PTPRD: variants seen among roughly 807,000 people sequenced by gnomAD.
PTPRD encodes protein tyrosine phosphatase receptor type D, also known as receptor-type tyrosine-protein phosphatase delta.
In PTPRD, 34 loss-of-function variants were observed where a neutral mutation model predicts 214.5. That is an observed-to-expected ratio of 0.16 (90% CI 0.12 to 0.21). The LOEUF (loss-of-function observed/expected upper bound fraction) is 0.21, where lower values mean the gene tolerates loss of function less well. Ranked by LOEUF, PTPRD falls within the 10% of genes least tolerant of loss-of-function variation. PTPRD has a pLI of 1.00. For synonymous variants in PTPRD, 1,128 were observed against 845.7 expected (o/e 1.33, Z -5.79); for missense variants, 2,545 against 2,398.7 (o/e 1.06, Z -1.27).
intron 4 of PTPRD, among the ~76,000 whole-genome samples, chr9:9,959,209 C>T (rs369494468): frequency 1.3e-5 from 2 of 152,008 alleles, no homozygotes; most frequent in Non-Finnish European, 2.9e-5. Flanking sequence ...CTTAAATGCA[C>T]CTTTGATGGC....
intron 12 of PTPRD, among the ~76,000 whole-genome samples, chr9:8,653,192 A>G (rs1794842479): frequency 6.6e-6 from 1 of 152,228 alleles, no homozygotes; most frequent in African/African-American, 2.4e-5. Context: ...ACAAAAGAGA[A>G]ATCTAAAGGG....
At chr9:8,562,926 A>T (rs2087028052) in intron 14 of PTPRD, among the ~76,000 whole-genome samples, 1 of 150,898 alleles carries the variant, frequency 6.6e-6, no homozygotes, top group Admixed American at 6.6e-5. Context: ...TATTTGGTGC[A>T]AGGAATGAGT....
intron 2 of PTPRD, among the ~76,000 whole-genome samples, chr9:10,568,438 T>C (rs548522755): frequency 6.6e-6 from 1 of 152,110 alleles, no homozygotes; most frequent in Non-Finnish European, 1.5e-5. Context: ...CGTGTGCATG[T>C]GTCTTCATAG....
intron 11 of PTPRD, among the ~76,000 whole-genome samples, chr9:8,974,242 A>T (rs1014697617): frequency 5.9e-5 from 9 of 152,042 alleles, no homozygotes; most frequent in African/African-American, 1.9e-4. Flanking sequence ...AAAGGTAAAG[A>T]TCTAATTTCA....
intron 4 of PTPRD, among the ~76,000 whole-genome samples, chr9:9,947,437 T>A (rs2092811291): frequency 3.6e-5 from 1 of 28,066 alleles, no homozygotes; most frequent in Non-Finnish European, 4.7e-5. Flanking sequence ...ATATATATAT[T>A]ATATATTTTA....
chr9:10,355,490 T>G (rs1229034096), intron 2 of PTPRD, among the ~76,000 whole-genome samples: 2 of 151,388 alleles, frequency 1.3e-5, no homozygotes, highest in East Asian at 1.9e-4. Context: ...TTTTTTTTTT[T>G]TTTTTGAGAC....
At chr9:8,940,770 G>C (rs10125293) in intron 11 of PTPRD, among the ~76,000 whole-genome samples, 6,619 of 151,874 alleles carry the variant, frequency 0.044, 474 homozygotes, top group African/African-American at 0.15. Context: ...ACCCCTTTCA[G>C]TACTGTTCCT....
chr9:9,463,904 T>C (rs1167562233), intron 8 of PTPRD, among the ~76,000 whole-genome samples: 1 of 152,120 alleles, frequency 6.6e-6, no homozygotes, highest in East Asian at 1.9e-4. Flanking sequence ...GAACTGAAGC[T>C]TACCAGATCA....
At chr9:10,017,558 C>T (rs541283177) in intron 4 of PTPRD, among the ~76,000 whole-genome samples, 1 of 152,130 alleles carries the variant, frequency 6.6e-6, no homozygotes, top group Admixed American at 6.5e-5. Context: ...AGTCTGGAAG[C>T]CTTGTTTTCA....
chr9:10,592,204 C>A (rs1923435), intron 2 of PTPRD, among the ~76,000 whole-genome samples: 1 of 151,732 alleles, frequency 6.6e-6, no homozygotes, highest in Admixed American at 6.6e-5. Context: ...ATGACACTCA[C>A]GGAAAAGGGT....
In PTPRD at chr9:9,918,766, A is replaced by G. The variant is rs188729720; in HGVS notation, c.-368+19741T>C. On this transcript the variant is annotated intron_variant, in intron 5 of 45. Transcript: ENST00000381196. ...TAATCCACGTATCTATAGCCATCTG[A>G]TTTTTGGCATGGGTATCGAGAATAT... 1.3e-4 allele frequency among the ~76,000 whole-genome samples: 20 copies of G among 152,250 alleles called. No individual in the cohort carries two copies. In the East Asian group the frequency reaches 3.9e-3, roughly 29 times the overall value.
At chr9:10,337,798 C>G (rs2154441248) in intron 3 of PTPRD, among the ~76,000 whole-genome samples, 1 of 151,736 alleles carries the variant, frequency 6.6e-6, no homozygotes, top group Admixed American at 6.6e-5. Flanking sequence ...TTGAAAACTT[C>G]TTCAAGATTA....
chr9:9,799,594 C>A (rs768197286), intron 5 of PTPRD: 1 of 152,062 alleles, frequency 6.6e-6, no homozygotes, highest in South Asian at 2.1e-4. Flanking sequence ...TCCATAAACA[C>A]TAATGAGAAC....
intron 3 of PTPRD, among the ~76,000 whole-genome samples, chr9:10,314,878 C>T (rs1483038485): frequency 6.6e-6 from 1 of 151,846 alleles, no homozygotes; most frequent in Non-Finnish European, 1.5e-5. Context: ...TCACACTCAT[C>T]CTTTCAGAAT....
chr9:9,325,213 C>T (rs1240240376), intron 9 of PTPRD, among the ~76,000 whole-genome samples: 7 of 152,040 alleles, frequency 4.6e-5, no homozygotes, highest in South Asian at 2.1e-4. Flanking sequence ...AAGTAGTTTT[C>T]TCCAATTCTG....
intron 9 of PTPRD, among the ~76,000 whole-genome samples, chr9:9,373,586 T>C (rs527450765): frequency 4.7e-4 from 72 of 152,234 alleles, no homozygotes; most frequent in African/African-American, 1.7e-3. Context: ...ACTGTCAGCA[T>C]TCCTTGACTT....
intron 10 of PTPRD, among the ~76,000 whole-genome samples, chr9:9,048,768 T>A (rs1467165224): frequency 6.6e-6 from 1 of 152,110 alleles, no homozygotes; most frequent in Non-Finnish European, 1.5e-5. Context: ...ACAGGGTGAC[T>A]ATAATCAATA....
chr9:10,293,718 T>C (rs777344308), intron 3 of PTPRD, among the ~76,000 whole-genome samples: 22 of 151,952 alleles, frequency 1.4e-4, no homozygotes, highest in Non-Finnish European at 2.5e-4. Context: ...CACTGTTAAG[T>C]TATACTCCTT....
rs2059268153 is a variant in PTPRD at position 10,542,224 on chromosome 9, A to G, written c.-600+70174T>C. Among the ~76,000 whole-genome samples the G allele has an allele frequency of 4.1e-5, 6 of 147,452 alleles. No individual in the cohort carries two copies. In the South Asian group the frequency reaches 1.3e-3, roughly 31 times the overall value. ...TACTAAGAATAGCCTCCTCCTGTCA[A>G]TCTCTGGTAATTCTGCATCAGCTCA... On this transcript the variant is annotated intron_variant, in intron 2 of 45. Coordinates refer to ENST00000381196, the MANE Select transcript of PTPRD (RefSeq NM_002839.4).
Sources: allele counts gnomAD v4.1 joint callset (sites outside exome capture counted in the v4.1 genomes callset), GRCh38; gene constraint gnomAD v4.1.1; transcripts MANE v1.5; gene names NCBI Gene and HGNC (gene_info 2026-07-23, HGNC 2026-07-21).